Variants in ZC3H3 observed in about 807,000 individuals in gnomAD.
ZC3H3 encodes the protein zinc finger CCCH domain-containing protein 3.
Under a neutral mutation model 77.3 loss-of-function variants are expected in ZC3H3, and 36 were observed. The observed-to-expected ratio is 0.47, with a 90% CI of 0.36 to 0.61. The LOEUF (loss-of-function observed/expected upper bound fraction) is 0.61. Among genes scored for constraint, ZC3H3 ranks in the 20% least tolerant of loss-of-function variants. ZC3H3 has a pLI of 0.00. For missense variants in ZC3H3, 1,331 were observed against 1,312.2 expected, an observed-to-expected ratio of 1.01 and a Z score of -0.22; for synonymous variants, 626 against 555.2, an observed-to-expected ratio of 1.13 and a Z score of -1.79.
chr8:143,472,600 C>T (rs1820601282), intron 5 of ZC3H3, among the ~76,000 whole-genome samples: 1 of 152,214 alleles, frequency 6.6e-6, no homozygotes, highest in African/African-American at 2.4e-5. Context: ...CAAGTGCAAA[C>T]CTGCTGCCTG....
At chr8:143,524,473 C>A (rs976795985) in intron 3 of ZC3H3, among the ~76,000 whole-genome samples, 2 of 152,248 alleles carry the variant, frequency 1.3e-5, no homozygotes, top group Admixed American at 1.3e-4. Context: ...CAAGAGCTCA[C>A]CGCCAGCTGG....
intron 3 of ZC3H3, among the ~76,000 whole-genome samples, chr8:143,532,879 C>T (rs566428114): frequency 2.5e-3 from 383 of 152,106 alleles, no homozygotes; most frequent in African/African-American, 8.5e-3. Flanking sequence ...TGGAGTCTCA[C>T]GGTGGCTGTC....
At chr8:143,457,856 C>A (rs1820161152) in intron 9 of ZC3H3, among the ~76,000 whole-genome samples, 1 of 151,984 alleles carries the variant, frequency 6.6e-6, no homozygotes, top group Non-Finnish European at 1.5e-5. Flanking sequence ...GAGAGTGAGA[C>A]CCTATCTCAG....
At chr8:143,477,780 A>T (rs935088560) in intron 4 of ZC3H3, among the ~76,000 whole-genome samples, 1 of 152,278 alleles carries the variant, frequency 6.6e-6, no homozygotes, top group African/African-American at 2.4e-5. Flanking sequence ...CAGTACTCAC[A>T]GGCCTCAGGG....
intron 3 of ZC3H3, among the ~76,000 whole-genome samples, chr8:143,520,759 G>C (rs1822216040): frequency 6.6e-6 from 1 of 152,198 alleles, no homozygotes; most frequent in Non-Finnish European, 1.5e-5. Context: ...GGGCTGTGGG[G>C]CTGAATCTCA....
chr8:143,538,158 A>G lies in ZC3H3; in HGVS notation c.1209T>C (p.His403=), dbSNP rs140254248. The change falls in exon 2 of 12, where the codon CAT becomes CAC. Residue 403 remains histidine, a synonymous_variant. Transcript: ENST00000262577. ...ACAGGACTGGGGAGAGCTGGGAGGC[A>G]TGGTCCTTGCTGCTGGCCTCCGACT... is the stretch of plus-strand genomic sequence containing the variant. ...RWQSEASSKD[H]ASQLSPVLSR... is the part of the protein sequence containing the mutation. 1.6e-5 allele frequency: 26 copies of G among 1,612,932 alleles called. No individual in the cohort carries two copies. The Admixed American group carries it at 3.7e-4, about 23-fold the overall frequency.
At chr8:143,465,906 C>T (rs1486319070) in intron 8 of ZC3H3, 58 bp from the exon 9 acceptor site, 19 of 1,566,940 alleles carry the variant, frequency 1.2e-5, no homozygotes, top group South Asian at 6.8e-5. Context: ...GGCCCAGAGA[C>T]GGTGGCTGGG....
At chr8:143,531,815 C>T (rs1207647016) in intron 3 of ZC3H3, among the ~76,000 whole-genome samples, 2 of 152,232 alleles carry the variant, frequency 1.3e-5, no homozygotes, top group Non-Finnish European at 2.9e-5. Context: ...TATTAGCCCC[C>T]TTATCTGCTG....
chr8:143,521,964 CAG>C (rs1402258633), intron 3 of ZC3H3, among the ~76,000 whole-genome samples: 4 of 152,178 alleles, frequency 2.6e-5, no homozygotes, highest in Admixed American at 6.5e-5. Context: ...GCTGGGGGCT[CAG>C]GGGATACCCG....
intron 8 of ZC3H3, among the ~76,000 whole-genome samples, chr8:143,466,686 T>C (rs921671949): frequency 3.9e-5 from 6 of 152,028 alleles, no homozygotes; most frequent in Admixed American, 3.9e-4. Context: ...AGAACAAGGA[T>C]GTCACCGTCC....
At chr8:143,472,429 G>A (rs1235644348) in intron 5 of ZC3H3, among the ~76,000 whole-genome samples, 1 of 152,230 alleles carries the variant, frequency 6.6e-6, no homozygotes, top group Non-Finnish European at 1.5e-5. Context: ...TCAGCACTTG[G>A]CACCGACGGG....
In ZC3H3 at chr8:143,504,578, C is replaced by A. The variant is rs377667251; in HGVS notation, c.1715+3168G>T. ...CCACAATCAAGCCTAGAGACCCTAC[C>A]CATTTCGCATGGTACAAGCAGGCAG... On this transcript the variant is annotated intron_variant, in intron 4 of 11. Transcript: ENST00000262577. 2.8e-4 allele frequency among the ~76,000 whole-genome samples: 43 copies of A among 152,298 alleles called. No individual in the cohort carries two copies. The South Asian group carries it at 5.0e-3, about 18-fold the overall frequency.
chr8:143,517,344 G>A (rs1720038918), intron 3 of ZC3H3, among the ~76,000 whole-genome samples: 1 of 152,200 alleles, frequency 6.6e-6, no homozygotes, highest in Non-Finnish European at 1.5e-5. Context: ...AGAAGACAGT[G>A]CAGCAGGCAG....
intron 2 of ZC3H3, 26 bp downstream of exon 2, chr8:143,537,977 C>G: frequency 6.4e-7 from 1 of 1,573,334 alleles, no homozygotes; most frequent in Non-Finnish European, 8.6e-7. Context: ...CCCTCACACT[C>G]TACCGCAGCC....
At chr8:143,486,586 C>T (rs2129950941) in intron 4 of ZC3H3, among the ~76,000 whole-genome samples, 1 of 152,320 alleles carries the variant, frequency 6.6e-6, no homozygotes, top group Middle Eastern at 3.4e-3. Flanking sequence ...CATCTATGAA[C>T]TTGGTGGGGG....
intron 3 of ZC3H3, among the ~76,000 whole-genome samples, chr8:143,520,619 C>G (rs1822211663): frequency 6.6e-6 from 1 of 152,224 alleles, no homozygotes; most frequent in East Asian, 1.9e-4. Flanking sequence ...GTTTTGCGTC[C>G]TCCAATCCTC....
At chr8:143,439,581 G>A (rs760661930) in intron 11 of ZC3H3, among the ~76,000 whole-genome samples, 17 of 152,220 alleles carry the variant, frequency 1.1e-4, no homozygotes, top group Admixed American at 2.6e-4. Flanking sequence ...CCAGGAGTGC[G>A]TGGTGATCTT....
intron 5 of ZC3H3, among the ~76,000 whole-genome samples, chr8:143,472,791 G>A (rs532518596): frequency 2.6e-5 from 4 of 152,350 alleles, no homozygotes; most frequent in South Asian, 2.1e-4. Flanking sequence ...TGGGTCCCGC[G>A]GGTGCACGGT....
intron 4 of ZC3H3, among the ~76,000 whole-genome samples, chr8:143,477,239 A>G (rs1301236579): frequency 6.6e-6 from 1 of 152,238 alleles, no homozygotes; most frequent in Admixed American, 6.5e-5. Flanking sequence ...CAGTGTAAGT[A>G]CAAGCACGGC....
Sources: allele counts gnomAD v4.1 joint callset (sites outside exome capture counted in the v4.1 genomes callset), GRCh38; gene constraint gnomAD v4.1.1; transcripts MANE v1.5; gene names NCBI Gene and HGNC (gene_info 2026-07-23, HGNC 2026-07-21).